Variants in TULP4 observed in about 807,000 individuals in gnomAD.
TULP4 encodes tubby-related protein 4.
In TULP4, 16 loss-of-function variants were observed where a neutral mutation model predicts 129.0. The ratio of observed to expected loss-of-function variants is 0.12; its 90% CI spans 0.08 to 0.19. TULP4 has a LOEUF of 0.19. Ranked by LOEUF, TULP4 falls within the 10% of genes least tolerant of loss-of-function variation. TULP4 has a pLI of 1.00. For synonymous variants in TULP4, 998 were observed against 854.0 expected, an observed-to-expected ratio of 1.17 and a Z score of -2.94; for missense variants, 1,842 against 2,059.1, an observed-to-expected ratio of 0.89 and a Z score of 2.04.
Position 158,313,965 on chromosome 6 carries a change from A to G in TULP4, c.-52A>G. The G allele has an allele frequency of 1.9e-6, 3 of 1,581,332 alleles. No homozygotes were observed. Among genetic ancestry groups the G allele is most frequent in the Non-Finnish European group, 2.6e-6 (3 of 1,163,054 alleles). Reference sequence around the variant, plus strand: ...ATACCAATGAAAGAAATTGGTTTAAATTTCACAGCATTAACATTACTTTTT... The same window carrying G: ...ATACCAATGAAAGAAATTGGTTTAAGTTTCACAGCATTAACATTACTTTTT... On this transcript the variant is annotated 5_prime_UTR_variant, in exon 1 of 14. Coordinates refer to ENST00000367097, the MANE Select transcript of TULP4 (RefSeq NM_020245.5).
chr6:158,438,098 A>G (rs1778791228), intron 3 of TULP4: 1 of 152,220 alleles, frequency 6.6e-6, no homozygotes, highest in Non-Finnish European at 1.5e-5. Flanking sequence ...TAAAAATCAT[A>G]AAAAGTAAAT....
At chr6:158,360,812 T>G (rs1780769023) in intron 1 of TULP4, among the ~76,000 whole-genome samples, 1 of 152,216 alleles carries the variant, frequency 6.6e-6, no homozygotes, top group Non-Finnish European at 1.5e-5. Flanking sequence ...GTTCATGCTC[T>G]GTCATGTATA....
intron 1 of TULP4, among the ~76,000 whole-genome samples, chr6:158,341,431 C>CTTTGT (rs1445505302): frequency 4.6e-5 from 7 of 152,136 alleles, no homozygotes; most frequent in African/African-American, 1.7e-4. Context: ...AACTGATTTC[C>CTTTGT]TTTGTTTTGG....
At chr6:158,246,213 A>T (rs1020246759) in intron 1 of TULP4, among the ~76,000 whole-genome samples, 1 of 152,170 alleles carries the variant, frequency 6.6e-6, no homozygotes, top group African/African-American at 2.4e-5. Flanking sequence ...AAAATTAAAT[A>T]CATCTGGGCC....
chr6:158,235,700 C>T (rs1215022497), intron 1 of TULP4, among the ~76,000 whole-genome samples: 3 of 152,144 alleles, frequency 2.0e-5, no homozygotes, highest in Non-Finnish European at 1.5e-5. Context: ...GTATATACCA[C>T]ATTTTGTTGA....
chr6:158,451,445 T>C (rs1779160722), intron 4 of TULP4, among the ~76,000 whole-genome samples: 1 of 152,202 alleles, frequency 6.6e-6, no homozygotes, highest in Non-Finnish European at 1.5e-5. Context: ...AAAACGTTGC[T>C]CTATCTAGGC....
intron 1 of TULP4, among the ~76,000 whole-genome samples, chr6:158,318,689 A>G (rs907574078): frequency 2.0e-5 from 3 of 152,162 alleles, no homozygotes; most frequent in African/African-American, 7.2e-5. Flanking sequence ...GTTAAATACA[A>G]GTCCTCAATC....
At chr6:158,440,021 C>CT (rs1778850349) in intron 3 of TULP4, among the ~76,000 whole-genome samples, 2 of 151,204 alleles carry the variant, frequency 1.3e-5, no homozygotes, top group South Asian at 2.1e-4. Flanking sequence ...TAGAGTGTTT[C>CT]TTTTTTAAAA....
At chr6:158,428,644 AG>A (rs1309820941) in intron 2 of TULP4, among the ~76,000 whole-genome samples, 2 of 151,652 alleles carry the variant, frequency 1.3e-5, no homozygotes, top group Admixed American at 6.6e-5. Context: ...ATTCTGATTG[AG>A]GGGGTATTGT....
At chr6:158,452,926 G>A (rs1290193011) in intron 5 of TULP4, among the ~76,000 whole-genome samples, 2 of 152,120 alleles carry the variant, frequency 1.3e-5, no homozygotes, top group African/African-American at 4.8e-5. Context: ...TGAGTTCTAT[G>A]GAAAAACAAT....
chr6:158,308,875 G>A (rs1296908906), upstream of TULP4, among the ~76,000 whole-genome samples: 13 of 141,614 alleles, frequency 9.2e-5, no homozygotes, highest in South Asian at 2.3e-4. Context: ...GCGGCTGGCC[G>A]GGTGGGGGGC....
chr6:158,269,380 T>TA (rs10583634), intron 1 of TULP4, among the ~76,000 whole-genome samples: 4,665 of 131,012 alleles, frequency 0.036, 85 homozygotes, highest in South Asian at 0.054. Context: ...TCAGCATTTG[T>TA]AAAAAAAAAA....
intron 9 of TULP4, among the ~76,000 whole-genome samples, chr6:158,492,830 G>A (rs1412315382): frequency 1.3e-5 from 2 of 152,132 alleles, no homozygotes; most frequent in East Asian, 1.9e-4. Flanking sequence ...TGTCTTTGGG[G>A]TAGACTGTCA....
intron 1 of TULP4, among the ~76,000 whole-genome samples, chr6:158,352,825 C>T (rs865927048): frequency 2.9e-4 from 44 of 152,012 alleles, no homozygotes; most frequent in Admixed American, 2.6e-4. Flanking sequence ...TTAATCACAC[C>T]CTCTGTATCT....
chr6:158,493,767 G>T lies in TULP4; in HGVS notation c.1776+50G>T, dbSNP rs1268271034. On this transcript the variant is annotated intron_variant, in intron 10 of 13. Transcript: ENST00000367097. This position sits in a 1 kb window ranked among gnomAD's most constrained non-coding sequence, Gnocchi z 4.4. Reference sequence around the variant, plus strand: ...TTGCTCCCCTCCTCCTGGGGGCTATGCCCAGAGGGCCCCTTCCTACCCGCC... The same window carrying T: ...TTGCTCCCCTCCTCCTGGGGGCTATTCCCAGAGGGCCCCTTCCTACCCGCC... 3 of 1,477,536 alleles carry T rather than the reference G, an allele frequency of 2.0e-6. No homozygotes were observed. The African/African-American group carries it at 4.3e-5, about 21-fold the overall frequency. The allele number at this position is 1,477,536 out of a possible 1,614,324, so 91.5% of individuals were successfully genotyped here.
chr6:158,504,990 A>G (rs1261751337), intron 13 of TULP4, among the ~76,000 whole-genome samples: 1 of 99,372 alleles, frequency 1.0e-5, no homozygotes, highest in Non-Finnish European at 2.1e-5. Context: ...TCAATAGCTG[A>G]GCCATGTATT....
chr6:158,479,431 A>G (rs575604565), intron 6 of TULP4, among the ~76,000 whole-genome samples: 1 of 152,144 alleles, frequency 6.6e-6, no homozygotes, highest in Non-Finnish European at 1.5e-5. Context: ...CTTTTATTTT[A>G]TTTTGTTTTA....
At chr6:158,497,933 A>C (rs1780367533) in intron 11 of TULP4, among the ~76,000 whole-genome samples, 1 of 152,240 alleles carries the variant, frequency 6.6e-6, no homozygotes, top group South Asian at 2.1e-4. Context: ...GCAAGTTCAC[A>C]GGGCAGTTTC....
In TULP4 at chr6:158,484,919, T is replaced by C. The variant is rs568375570; in HGVS notation, c.1486+3630T>C. ...AACCCTGACTAATACAGATTTTGGA[T>C]CCAGGAAATGGGTATTGCTGTAACA... On this transcript the variant is annotated intron_variant, in intron 8 of 13. Transcript: ENST00000367097. Among the ~76,000 whole-genome samples, 341 of 152,376 alleles carry C rather than the reference T, an allele frequency of 2.2e-3. 1 individual carries two copies. The highest frequency in any genetic ancestry group is 3.5e-3 in the Non-Finnish European group (240 of 68,040).
Sources: allele counts gnomAD v4.1 joint callset (sites outside exome capture counted in the v4.1 genomes callset), GRCh38; gene constraint gnomAD v4.1.1; non-coding constraint Gnocchi (gnomAD v3.1); transcripts MANE v1.5; gene names NCBI Gene and HGNC (gene_info 2026-07-23, HGNC 2026-07-21).